VAMP7: variants seen among roughly 807,000 people sequenced by gnomAD.
VAMP7 encodes the protein vesicle-associated membrane protein 7.
Under a neutral mutation model 29.6 loss-of-function variants are expected in VAMP7, and 14 were observed. The observed-to-expected ratio is 0.47, with a 90% CI of 0.31 to 0.74. The LOEUF is 0.74. Among genes scored for constraint, VAMP7 ranks in the 30% least tolerant of loss-of-function variants. The probability of loss-of-function intolerance (pLI) is 0.05; values close to 1 mark genes in which losing one functional copy is unlikely to be tolerated. For synonymous variants in VAMP7, 95 were observed against 88.1 expected (o/e 1.08, Z -0.44); for missense variants, 223 against 262.4 (o/e 0.85, Z 1.04).
At chrX:155,895,715 T>C (rs781276899) in intron 3 of VAMP7, 35 bp downstream of exon 3, 2 of 1,575,072 alleles carry the variant, frequency 1.3e-6, no homozygotes, top group Non-Finnish European at 1.7e-6. Flanking sequence ...TATTTAACTA[T>C]GTGTACTGTT....
chrX:155,933,251 T>C (rs998627120), intron 6 of VAMP7, among the ~76,000 whole-genome samples: 4 of 152,192 alleles, frequency 2.6e-5, no homozygotes, highest in Non-Finnish European at 4.4e-5. Context: ...TCATTTTCTA[T>C]TGATAGGAAT....
chrX:155,894,459 C>T (rs887505636), intron 2 of VAMP7, among the ~76,000 whole-genome samples: 4 of 151,916 alleles, frequency 2.6e-5, no homozygotes, highest in Non-Finnish European at 5.9e-5. Context: ...GCTTACTTCT[C>T]CAGTCTTGTC....
intron 5 of VAMP7, among the ~76,000 whole-genome samples, chrX:155,913,427 T>G (rs1292119207): frequency 1.3e-5 from 2 of 152,218 alleles, no homozygotes; most frequent in Non-Finnish European, 1.5e-5. Context: ...TTTTGGTGTT[T>G]TAGTCATGAA....
At chrX:155,896,621 C>T (rs1000004843) in intron 3 of VAMP7, among the ~76,000 whole-genome samples, 14 of 152,084 alleles carry the variant, frequency 9.2e-5, no homozygotes, top group African/African-American at 2.9e-4. Flanking sequence ...TATTCATGTC[C>T]GGAGTAGAGG....
chrX:155,913,146 A>G (rs2066261852), intron 5 of VAMP7, among the ~76,000 whole-genome samples: 1 of 152,016 alleles, frequency 6.6e-6, no homozygotes, highest in East Asian at 1.9e-4. Context: ...CTTTTTTTTC[A>G]TATGTTTATT....
intron 5 of VAMP7, among the ~76,000 whole-genome samples, chrX:155,904,246 C>T (rs1464954910): frequency 6.6e-6 from 1 of 150,638 alleles, no homozygotes; most frequent in East Asian, 2.0e-4. Flanking sequence ...GGAGATATAC[C>T]TAATGCTAAA....
At chrX:155,897,841 A>C (rs753207354) in intron 3 of VAMP7, among the ~76,000 whole-genome samples, 38 of 152,240 alleles carry the variant, frequency 2.5e-4, no homozygotes, top group African/African-American at 9.1e-4. Context: ...CAAGAAGTTG[A>C]TAACCTAGGT....
intron 5 of VAMP7, among the ~76,000 whole-genome samples, chrX:155,912,259 A>T (rs937944330): frequency 6.6e-6 from 1 of 152,148 alleles, no homozygotes; most frequent in Admixed American, 6.6e-5. Flanking sequence ...AAAGTAGAAT[A>T]TCCTATTTTC....
intron 5 of VAMP7, among the ~76,000 whole-genome samples, chrX:155,905,323 C>T (rs1305825262): frequency 1.3e-5 from 2 of 151,942 alleles, no homozygotes; most frequent in Non-Finnish European, 2.9e-5. Flanking sequence ...GGATACTAGA[C>T]CCTTATCAGA....
At chrX:155,884,230 C>T (rs1174421756) in intron 1 of VAMP7, among the ~76,000 whole-genome samples, 19 of 151,992 alleles carry the variant, frequency 1.3e-4, no homozygotes, top group Non-Finnish European at 2.9e-5. Context: ...CGGGTTCAAG[C>T]GATTCTCCTG....
intron 5 of VAMP7, among the ~76,000 whole-genome samples, 193 bp from the exon 6 acceptor site, chrX:155,919,620 G>T (rs1430986478): frequency 3.9e-5 from 6 of 152,250 alleles, no homozygotes; most frequent in African/African-American, 1.4e-4. Flanking sequence ...GGAGGCTGTG[G>T]TGAAGTTTTG....
At chrX:155,931,773 G>A (rs1223644886) in intron 6 of VAMP7, among the ~76,000 whole-genome samples, 1 of 152,124 alleles carries the variant, frequency 6.6e-6, no homozygotes, top group African/African-American at 2.4e-5. Flanking sequence ...TAGATATGAA[G>A]TCCATGCCCA....
chrX:155,941,472 A>C (rs1353541112), intron 7 of VAMP7, among the ~76,000 whole-genome samples: 1 of 152,166 alleles, frequency 6.6e-6, no homozygotes, highest in Non-Finnish European at 1.5e-5. Context: ...TTCTTATATT[A>C]ATCAAAAATA....
At chrX:155,935,175 G>C (rs1186014911) in intron 6 of VAMP7, among the ~76,000 whole-genome samples, 1 of 151,914 alleles carries the variant, frequency 6.6e-6, no homozygotes, top group South Asian at 2.1e-4. Flanking sequence ...ACAATTATGT[G>C]TCTCGGAGTT....
intron 5 of VAMP7, among the ~76,000 whole-genome samples, chrX:155,918,300 T>C (rs2066342132): frequency 6.6e-6 from 1 of 152,008 alleles, no homozygotes; most frequent in Admixed American, 6.6e-5. Flanking sequence ...TTCAGCCCCT[T>C]TCCAGGCGAG....
chrX:155,919,731 A>C, intron 5 of VAMP7, 82 bp from the exon 6 acceptor site: 1 of 1,229,408 alleles, frequency 8.1e-7, no homozygotes, highest in Non-Finnish European at 1.2e-6. Flanking sequence ...TGTATTCATT[A>C]AGTTATATTA....
chrX:155,914,008 C>T (rs889055181), intron 5 of VAMP7, among the ~76,000 whole-genome samples: 1 of 152,120 alleles, frequency 6.6e-6, no homozygotes, highest in African/African-American at 2.4e-5. Context: ...GAATGTTTTT[C>T]CATTCATTTG....
rs760825869 is a variant in VAMP7 at position 155,908,377 on chromosome X, C to T, written c.433+7790C>T. Among the ~76,000 whole-genome samples the T allele has an allele frequency of 5.9e-5, 9 of 152,292 alleles. No homozygotes were observed. In the East Asian group the frequency reaches 1.4e-3, roughly 23 times the overall value. ...CTGGAGACCAGCCCGGCCAACACAG[C>T]GAAACCCCGTCTCCACCAAAAAAAT... On this transcript the variant is annotated intron_variant, in intron 5 of 7. Coordinates refer to ENST00000286448, the MANE Select transcript of VAMP7 (RefSeq NM_005638.6).
intron 6 of VAMP7, among the ~76,000 whole-genome samples, chrX:155,930,941 A>G (rs1193161853): frequency 2.0e-5 from 3 of 151,956 alleles, no homozygotes; most frequent in East Asian, 1.9e-4. Flanking sequence ...GTTCCCACCT[A>G]TGAGTGAGAA....
Sources: allele counts gnomAD v4.1 joint callset (sites outside exome capture counted in the v4.1 genomes callset), GRCh38; gene constraint gnomAD v4.1.1; transcripts MANE v1.5; gene names NCBI Gene and HGNC (gene_info 2026-07-23, HGNC 2026-07-21).